The following SLC8A1 variants were observed in gnomAD, a reference collection of about 807,000 sequenced individuals.
SLC8A1 encodes solute carrier family 8 member A1.
Under a neutral mutation model 68.3 loss-of-function variants are expected in SLC8A1, and 18 were observed. The observed-to-expected ratio is 0.26, with a 90% CI of 0.18 to 0.39. The LOEUF (loss-of-function observed/expected upper bound fraction) is 0.39, where lower values mean the gene tolerates loss of function less well. Among genes scored for constraint, SLC8A1 ranks in the 10% least tolerant of loss-of-function variants. The pLI, the probability that SLC8A1 is intolerant of heterozygous loss-of-function variation, is 1.00. For synonymous variants in SLC8A1, 475 were observed against 415.5 expected (o/e 1.14, Z -1.74); for missense variants, 985 against 1,156.7 (o/e 0.85, Z 2.15).
At chr2:40,226,578 G>T (rs1184485851) in intron 2 of SLC8A1, among the ~76,000 whole-genome samples, 1 of 152,108 alleles carries the variant, frequency 6.6e-6, no homozygotes, top group Non-Finnish European at 1.5e-5. Flanking sequence ...TCTGGAAAGG[G>T]TCTAGATTCT....
chr2:40,305,062 C>A (rs147445935), intron 2 of SLC8A1, among the ~76,000 whole-genome samples: 2 of 152,204 alleles, frequency 1.3e-5, no homozygotes, highest in Non-Finnish European at 2.9e-5. Flanking sequence ...GCATTTCTAA[C>A]AACTTCCCAG....
chr2:40,375,699 A>G (rs76601278), intron 2 of SLC8A1, among the ~76,000 whole-genome samples: 4,069 of 152,200 alleles, frequency 0.027, 82 homozygotes, highest in Non-Finnish European at 0.039. Flanking sequence ...TCACTTGACA[A>G]CTATATCAAG....
chr2:40,347,419 A>G (rs1669703000), intron 2 of SLC8A1, among the ~76,000 whole-genome samples: 1 of 152,238 alleles, frequency 6.6e-6, no homozygotes, highest in African/African-American at 2.4e-5. Flanking sequence ...AGAAGTCAGC[A>G]GAGAAAGAAG....
At chr2:40,344,039 T>C (rs1668496161) in intron 2 of SLC8A1, among the ~76,000 whole-genome samples, 1 of 152,090 alleles carries the variant, frequency 6.6e-6, no homozygotes, top group Admixed American at 6.6e-5. Flanking sequence ...GATGGCAATA[T>C]AATGAATCAG....
intron 2 of SLC8A1, among the ~76,000 whole-genome samples, chr2:40,281,560 GCAAAGGGAGCTACCTTT>G (rs2067526338): frequency 6.6e-6 from 1 of 152,160 alleles, no homozygotes; most frequent in African/African-American, 2.4e-5. Context: ...AAGTTATGCT[GCAAAGGGAGCTACCTTT>G]CCCCAGCACT....
At chr2:40,260,684 G>C (rs1283959574) in intron 2 of SLC8A1, among the ~76,000 whole-genome samples, 6 of 151,396 alleles carry the variant, frequency 4.0e-5, no homozygotes, top group Non-Finnish European at 7.4e-5. Flanking sequence ...CTCTAGTTGT[G>C]ATATAGTCTG....
chr2:40,300,508 T>C (rs1353217214), intron 2 of SLC8A1, among the ~76,000 whole-genome samples: 1 of 152,218 alleles, frequency 6.6e-6, no homozygotes, highest in Non-Finnish European at 1.5e-5. Context: ...AAACAAAGTA[T>C]TGTTTCGTGC....
rs762739630 is a variant in SLC8A1, at chr2:40,160,751, A to G, written c.2161+14T>C. On this transcript the variant is annotated intron_variant, in intron 6 of 7. Coordinates refer to ENST00000406785, the Ensembl canonical transcript of SLC8A1. ...GGCAATTTTAATTTATAATATGCAG[A>G]GAAAGGCACTCACCAGCACTGACAG... is the stretch of plus-strand genomic sequence containing the variant. 2 of 1,609,776 alleles carry G rather than the reference A, an allele frequency of 1.2e-6. No individual in the cohort carries two copies. The highest frequency in any genetic ancestry group is 1.7e-6 in the Non-Finnish European group (2 of 1,176,220).
chr2:40,430,400 C>A, intron 1 of SLC8A1, 96 bp from the exon 2 acceptor site: 2 of 1,302,988 alleles, frequency 1.5e-6, no homozygotes, highest in Non-Finnish European at 2.0e-6. Flanking sequence ...ATTACTCTTA[C>A]CAAAATTTGT....
intron 2 of SLC8A1, among the ~76,000 whole-genome samples, chr2:40,398,346 G>T (rs1279431025): frequency 6.6e-6 from 1 of 152,084 alleles, no homozygotes; most frequent in Non-Finnish European, 1.5e-5. Context: ...ATCATATCTA[G>T]ATCCACTCCT....
chr2:40,438,135 C>A (rs1699789926), intron 1 of SLC8A1, among the ~76,000 whole-genome samples: 1 of 152,122 alleles, frequency 6.6e-6, no homozygotes, highest in Admixed American at 6.6e-5. Context: ...ATAATGAGCT[C>A]CCAGAGGCAG....
At chr2:40,304,843 G>C (rs935697034) in intron 2 of SLC8A1, among the ~76,000 whole-genome samples, 12 of 152,190 alleles carry the variant, frequency 7.9e-5, no homozygotes, top group Non-Finnish European at 1.6e-4. Context: ...GCCCGCCAGA[G>C]ATGAACCCAG....
At chr2:40,097,727 ACT>A (rs2033658988) in exon 8 of SLC8A1, 2 of 151,976 alleles carry the variant, frequency 1.3e-5, no homozygotes, top group Admixed American at 1.3e-4. Context: ...TAAAAATAAA[ACT>A]CTGAAATCAT....
intron 6 of SLC8A1, among the ~76,000 whole-genome samples, chr2:40,144,795 A>G (rs1213112097): frequency 6.6e-6 from 1 of 152,084 alleles, no homozygotes; most frequent in African/African-American, 2.4e-5. Context: ...CTATTTAAAC[A>G]TTTGTTTAAA....
intron 6 of SLC8A1, among the ~76,000 whole-genome samples, chr2:40,147,114 G>A (rs1037456234): frequency 2.2e-4 from 34 of 152,092 alleles, no homozygotes; most frequent in African/African-American, 8.2e-4. Context: ...AGCAAATGTA[G>A]CCACTGTCCA....
chr2:40,428,276 G>T (rs921473097), intron 2 of SLC8A1, among the ~76,000 whole-genome samples, 197 bp downstream of exon 2: 1 of 151,982 alleles, frequency 6.6e-6, no homozygotes, highest in Non-Finnish European at 1.5e-5. Context: ...ATAAATTTAA[G>T]ATCTCTGTGT....
intron 1 of SLC8A1, among the ~76,000 whole-genome samples, chr2:40,492,017 A>G (rs1705349257): frequency 6.6e-6 from 1 of 152,180 alleles, no homozygotes; most frequent in Admixed American, 6.5e-5. Context: ...TGGAACCAAA[A>G]AAGAGCCCGC....
At chr2:40,230,640 A>C (rs1315338778) in intron 2 of SLC8A1, among the ~76,000 whole-genome samples, 2 of 152,136 alleles carry the variant, frequency 1.3e-5, no homozygotes, top group South Asian at 2.1e-4. Flanking sequence ...TTAAAATTAT[A>C]ATTAATTATC....
At chr2:40,152,411 G>T (rs748477414) in intron 6 of SLC8A1, among the ~76,000 whole-genome samples, 50 of 152,088 alleles carry the variant, frequency 3.3e-4, no homozygotes, top group Non-Finnish European at 5.9e-4. Flanking sequence ...TACCTCTGCA[G>T]TTTTTTGTTT....
Sources: gnomAD v4.1 joint callset for allele counts (sites outside exome capture counted in the v4.1 genomes callset) on GRCh38, gnomAD v4.1.1 for gene constraint, MANE v1.5 for transcripts, NCBI Gene and HGNC (gene_info 2026-07-23, HGNC 2026-07-21) for gene names.